Variants in PLCL1 observed in about 807,000 individuals in gnomAD.
The protein encoded by PLCL1 is phospholipase C like 1 (inactive).
PLCL1 carries 41 observed loss-of-function variants against 84.4 expected under a neutral mutation model. The observed-to-expected ratio is 0.49, with a 90% confidence interval of 0.38 to 0.63. PLCL1 has a LOEUF of 0.63. Among genes scored for constraint, PLCL1 ranks in the 30% least tolerant of loss-of-function variants. The probability of loss-of-function intolerance (pLI) is 0.00; values close to 1 mark genes in which losing one functional copy is unlikely to be tolerated. For missense variants in PLCL1, 1,206 were observed against 1,367.8 expected (o/e 0.88, Z 1.87); for synonymous variants, 490 against 488.3 (o/e 1.00, Z -0.05).
intron 1 of PLCL1, among the ~76,000 whole-genome samples, chr2:197,822,560 T>C (rs700670): frequency 0.73 from 110,723 of 152,096 alleles, 41,394 homozygotes; most frequent in African/African-American, 0.9. Context: ...AAGCACTTTA[T>C]GTGTATTAAC....
intron 3 of PLCL1, among the ~76,000 whole-genome samples, chr2:198,089,381 A>G (rs1385946123): frequency 1.3e-5 from 2 of 152,228 alleles, no homozygotes; most frequent in South Asian, 4.1e-4. Context: ...CCATTTAATT[A>G]TATACCTATG....
intron 1 of PLCL1, among the ~76,000 whole-genome samples, chr2:197,987,798 C>A (rs1690247979): frequency 6.6e-6 from 1 of 152,070 alleles, no homozygotes; most frequent in African/African-American, 2.4e-5. Context: ...TATATTTATG[C>A]CATATTAGCC....
intron 3 of PLCL1, among the ~76,000 whole-genome samples, chr2:198,089,844 T>A (rs1476873840): frequency 2.6e-5 from 4 of 152,164 alleles, no homozygotes; most frequent in African/African-American, 9.6e-5. Flanking sequence ...CATTTAACTT[T>A]AAAATAAGTT....
intron 1 of PLCL1, among the ~76,000 whole-genome samples, chr2:197,942,481 C>T (rs1689178113): frequency 6.6e-6 from 1 of 152,184 alleles, no homozygotes; most frequent in African/African-American, 2.4e-5. Flanking sequence ...AAGCCTGCTC[C>T]CATTGCTAAT....
intron 1 of PLCL1, among the ~76,000 whole-genome samples, chr2:198,045,955 T>C (rs1236095434): frequency 6.6e-6 from 1 of 152,220 alleles, no homozygotes; most frequent in Admixed American, 6.5e-5. Context: ...CATTTCAATG[T>C]AACGAGCAAT....
At chr2:197,975,124 G>T (rs1379532384) in intron 1 of PLCL1, among the ~76,000 whole-genome samples, 1 of 143,066 alleles carries the variant, frequency 7.0e-6, no homozygotes, top group East Asian at 2.0e-4. Context: ...GTCCGGCCTG[G>T]GCGACAGAGC....
chr2:198,039,214 G>A (rs1468253991), intron 1 of PLCL1, among the ~76,000 whole-genome samples: 2 of 152,082 alleles, frequency 1.3e-5, no homozygotes, highest in African/African-American at 4.8e-5. Context: ...TAGTTGGCAT[G>A]GTTGTTTTGG....
At chr2:197,864,100 T>A (rs1360950968) in intron 1 of PLCL1, among the ~76,000 whole-genome samples, 1 of 152,170 alleles carries the variant, frequency 6.6e-6, no homozygotes. Context: ...CTAAAATAGA[T>A]CATGCCAGGT....
At chr2:198,017,786 T>C (rs1369322843) in intron 1 of PLCL1, among the ~76,000 whole-genome samples, 1 of 152,220 alleles carries the variant, frequency 6.6e-6, no homozygotes, top group East Asian at 1.9e-4. Context: ...TTTCAGCAAG[T>C]TTACATGTAT....
chr2:198,062,810 A>G (rs1189051414), intron 1 of PLCL1, among the ~76,000 whole-genome samples: 1 of 152,182 alleles, frequency 6.6e-6, no homozygotes, highest in Non-Finnish European at 1.5e-5. Flanking sequence ...GGAATATACT[A>G]AGTCAATGAG....
In PLCL1 at chr2:198,085,940, T is replaced by C; in HGVS notation, c.2423T>C (p.Phe808Ser). The change falls in exon 2 of 6, where the codon TTT becomes TCT. Residue 808 changes from phenylalanine (F) to serine (S), a missense_variant. Coordinates refer to ENST00000428675, the MANE Select transcript of PLCL1 (RefSeq NM_006226.4). The surrounding 1 kb of genome is among the most constrained non-coding windows in gnomAD (Gnocchi z 5.3). ...GATGATGACTACATTGGGGATGAGT[T>C]TATAGGGCAATATACGATACCATTT... ...VLDDDYIGDE[F>S]IGQYTIPFEC... 6.2e-7 allele frequency: 1 copy of C among 1,614,070 alleles called. No individual in the cohort carries two copies. The highest frequency in any genetic ancestry group is 8.5e-7 in the Non-Finnish European group (1 of 1,179,962).
At chr2:197,956,751 C>A (rs534666715) in intron 1 of PLCL1, among the ~76,000 whole-genome samples, 2 of 152,150 alleles carry the variant, frequency 1.3e-5, no homozygotes, top group South Asian at 2.1e-4. Context: ...ATCCTTTGAC[C>A]ACTTTTTGAT....
At chr2:198,101,569 C>T (rs3732232) in intron 4 of PLCL1, among the ~76,000 whole-genome samples, 33,323 of 151,618 alleles carry the variant, frequency 0.22, 4,147 homozygotes, top group Middle Eastern at 0.32. Flanking sequence ...TGTATGTGAG[C>T]GTACAGGGTT....
chr2:197,978,198 C>T (rs758651699), intron 1 of PLCL1, among the ~76,000 whole-genome samples: 11 of 152,240 alleles, frequency 7.2e-5, no homozygotes, highest in South Asian at 2.1e-4. Flanking sequence ...AAGTTCAGGC[C>T]GGGTGTGGTG....
At position 198,008,763 on chromosome 2, in the gene PLCL1, T is replaced by C. The variant is rs1445860122; in HGVS notation, c.241-74995T>C. ...CATATAGTAATTCTATTTTGAATTT[T>C]TGGAGGAACCTCCATGCTATTTTCT... On this transcript the variant is annotated intron_variant, in intron 1 of 5. Coordinates refer to ENST00000428675, the MANE Select transcript of PLCL1 (RefSeq NM_006226.4). Among the ~76,000 whole-genome samples the C allele has an allele frequency of 2.0e-5, 3 of 152,058 alleles. No individual in the cohort carries two copies. The East Asian group carries it at 5.8e-4, about 29-fold the overall frequency.
chr2:197,963,066 A>G (rs1689655623), intron 1 of PLCL1, among the ~76,000 whole-genome samples: 1 of 152,040 alleles, frequency 6.6e-6, no homozygotes, highest in Non-Finnish European at 1.5e-5. Flanking sequence ...TGATATACTG[A>G]TTTCCTTTCT....
chr2:197,818,598 G>A (rs1055205312), intron 1 of PLCL1, among the ~76,000 whole-genome samples: 9 of 152,070 alleles, frequency 5.9e-5, no homozygotes, highest in Admixed American at 5.2e-4. Context: ...TGAACTTCTG[G>A]CTTCAAACAA....
chr2:197,943,161 C>T (rs1105078), intron 1 of PLCL1, among the ~76,000 whole-genome samples: 70,585 of 144,016 alleles, frequency 0.49, 17,420 homozygotes, highest in Middle Eastern at 0.61. Flanking sequence ...TGTGCCACTG[C>T]GCTCTAGTCT....
intron 1 of PLCL1, among the ~76,000 whole-genome samples, chr2:197,915,117 G>T (rs1352808036): frequency 6.6e-6 from 1 of 152,216 alleles, no homozygotes; most frequent in Non-Finnish European, 1.5e-5. Flanking sequence ...GCTCTGGACA[G>T]TTTGCAGCTC....
Sources: allele counts gnomAD v4.1 joint callset (sites outside exome capture counted in the v4.1 genomes callset), GRCh38; gene constraint gnomAD v4.1.1; non-coding constraint Gnocchi (gnomAD v3.1); transcripts MANE v1.5; gene names NCBI Gene and HGNC (gene_info 2026-07-23, HGNC 2026-07-21).